The following CDH13 variants were observed in gnomAD, a reference collection of about 807,000 sequenced individuals.
CDH13 encodes the protein cadherin 13, also known as cadherin-13.
Under a neutral mutation model 63.8 loss-of-function variants are expected in CDH13, and 24 were observed. The observed-to-expected ratio is 0.38, with a 90% CI of 0.27 to 0.53. CDH13 has a LOEUF of 0.53. Ranked by LOEUF, CDH13 falls within the 20% of genes least tolerant of loss-of-function variation. The probability of loss-of-function intolerance (pLI) is 0.85; values close to 1 mark genes in which losing one functional copy is unlikely to be tolerated. For missense variants in CDH13, 1,049 were observed against 903.1 expected (o/e 1.16, Z -2.07); for synonymous variants, 503 against 355.3 (o/e 1.42, Z -4.67).
chr16:82,858,859 A>T (rs558607564), intron 2 of CDH13: 1 of 255,824 alleles, frequency 3.9e-6, no homozygotes, highest in East Asian at 7.2e-5. Flanking sequence ...CATACATAGC[A>T]TTAGATCAAA....
At position 82,989,281 on chromosome 16, in the gene CDH13, C is replaced by T. The variant is rs372084393; in HGVS notation, c.158-42729C>T. On this transcript the variant is annotated intron_variant, in intron 2 of 13. Coordinates refer to ENST00000567109, the MANE Select transcript of CDH13 (RefSeq NM_001257.5). ...GACATCACTCACAAGTACAAGTCTG[C>T]ATCCCTGGGTGTCCTCAGACAAGCA... is the stretch of plus-strand genomic sequence containing the variant. Among the ~76,000 whole-genome samples the T allele has an allele frequency of 1.1e-3, 162 of 152,292 alleles. 5 individuals carry two copies. The South Asian group carries it at 0.032, about 30-fold the overall frequency.
intron 4 of CDH13, 24 bp from the exon 5 acceptor site, chr16:83,217,321 A>T (rs1384695346): frequency 6.2e-7 from 1 of 1,613,160 alleles, no homozygotes; most frequent in Non-Finnish European, 8.5e-7. Flanking sequence ...GCAGTTTTAA[A>T]TGTCTCTCTG....
chr16:83,623,880 C>T (rs146385122), intron 8 of CDH13, among the ~76,000 whole-genome samples: 2 of 152,354 alleles, frequency 1.3e-5, no homozygotes, highest in East Asian at 3.9e-4. Flanking sequence ...ACTAGAGGCT[C>T]ACCCTTCGAC....
In CDH13 at chr16:82,905,169, G is replaced by A. The variant is rs936677529; in HGVS notation, c.157+46696G>A. Among the ~76,000 whole-genome samples, 4 of 152,136 alleles carry A rather than the reference G, an allele frequency of 2.6e-5. No individual in the cohort carries two copies. In the East Asian group the frequency reaches 7.7e-4, roughly 29 times the overall value. ...GCTGACAGCAGTTCTGTAACCATCC[G>A]GTGTGTTTAGACGGGAGAAAGAGCT... is the stretch of plus-strand genomic sequence containing the variant. On this transcript the variant is annotated intron_variant, in intron 2 of 13. Coordinates refer to ENST00000567109, the MANE Select transcript of CDH13 (RefSeq NM_001257.5).
At chr16:83,672,681 T>C (rs928266771) in intron 9 of CDH13, among the ~76,000 whole-genome samples, 1 of 152,116 alleles carries the variant, frequency 6.6e-6, no homozygotes, top group African/African-American at 2.4e-5. Context: ...CGCCTTGGCC[T>C]CCCAAAGTGC....
chr16:83,048,131 C>T (rs1917970730), intron 3 of CDH13, among the ~76,000 whole-genome samples: 1 of 152,150 alleles, frequency 6.6e-6, no homozygotes, highest in African/African-American at 2.4e-5. Flanking sequence ...TTTCCGCATG[C>T]AGAAATCTAA....
At chr16:83,070,097 C>G (rs1053611397) in intron 3 of CDH13, among the ~76,000 whole-genome samples, 1 of 152,136 alleles carries the variant, frequency 6.6e-6, no homozygotes, top group Non-Finnish European at 1.5e-5. Flanking sequence ...ATCACACTAG[C>G]TGTTCTGAAA....
chr16:83,659,101 C>T (rs1598427282), intron 8 of CDH13, among the ~76,000 whole-genome samples: 1 of 141,050 alleles, frequency 7.1e-6, no homozygotes, highest in Non-Finnish European at 1.5e-5. Context: ...TCCTCACCAC[C>T]AGGTCCCATA....
chr16:83,546,740 G>C (rs1451803247), intron 7 of CDH13, among the ~76,000 whole-genome samples: 3 of 152,130 alleles, frequency 2.0e-5, no homozygotes, highest in Non-Finnish European at 4.4e-5. Context: ...CCAGCCATCT[G>C]CATAACAGCA....
chr16:82,910,786 A>T (rs1178859509), intron 2 of CDH13, among the ~76,000 whole-genome samples: 1 of 152,190 alleles, frequency 6.6e-6, no homozygotes, highest in Non-Finnish European at 1.5e-5. Context: ...GGAGGTGCAG[A>T]TTTAGAGAAT....
chr16:83,189,330 G>T (rs2038624020), intron 4 of CDH13, among the ~76,000 whole-genome samples: 2 of 152,038 alleles, frequency 1.3e-5, no homozygotes, highest in Admixed American at 1.3e-4. Flanking sequence ...AGTCTCCCTG[G>T]GACTTGCTGC....
chr16:83,518,081 A>G (rs1166796897), intron 7 of CDH13, among the ~76,000 whole-genome samples: 1 of 152,112 alleles, frequency 6.6e-6, no homozygotes, highest in Non-Finnish European at 1.5e-5. Context: ...TAATTTTATC[A>G]TGGGGGTGGT....
At chr16:82,757,512 C>T (rs1367867621) in intron 1 of CDH13, among the ~76,000 whole-genome samples, 2 of 152,216 alleles carry the variant, frequency 1.3e-5, no homozygotes, top group Non-Finnish European at 2.9e-5. Context: ...GATAGCTGCT[C>T]TGCCCAGAGG....
chr16:83,536,955 G>T (rs930045732), intron 7 of CDH13, among the ~76,000 whole-genome samples: 1 of 152,210 alleles, frequency 6.6e-6, no homozygotes, highest in African/African-American at 2.4e-5. Flanking sequence ...CATGCCACAG[G>T]TGTTTCATCT....
intron 9 of CDH13, among the ~76,000 whole-genome samples, chr16:83,672,583 C>A (rs1006871768): frequency 5.9e-5 from 9 of 151,690 alleles, no homozygotes; most frequent in African/African-American, 2.2e-4. Flanking sequence ...TGCCACCACA[C>A]CCAGCTAACT....
At chr16:83,134,097 T>G (rs1255754809) in intron 4 of CDH13, among the ~76,000 whole-genome samples, 1 of 152,242 alleles carries the variant, frequency 6.6e-6, no homozygotes, top group Non-Finnish European at 1.5e-5. Flanking sequence ...TCTGGATATT[T>G]CCAGCAAATT....
chr16:83,377,346 C>T (rs1433100496), intron 6 of CDH13, among the ~76,000 whole-genome samples: 1 of 152,142 alleles, frequency 6.6e-6, no homozygotes, highest in African/African-American at 2.4e-5. Flanking sequence ...GCCCCCAGTT[C>T]CTAAAAAGCC....
At chr16:83,256,826 C>T (rs570101722) in intron 5 of CDH13, among the ~76,000 whole-genome samples, 19 of 127,628 alleles carry the variant, frequency 1.5e-4, no homozygotes, top group East Asian at 6.9e-4. Flanking sequence ...GCCTGGGCGA[C>T]GGAGCGAGAC....
At chr16:83,566,871 CA>C (rs1904285412) in intron 7 of CDH13, among the ~76,000 whole-genome samples, 1 of 152,152 alleles carries the variant, frequency 6.6e-6, no homozygotes. Context: ...AAAAGCTCAG[CA>C]ACCAAGAGGA....
Sources: gnomAD v4.1 joint callset for allele counts (sites outside exome capture counted in the v4.1 genomes callset) on GRCh38, gnomAD v4.1.1 for gene constraint, MANE v1.5 for transcripts, NCBI Gene and HGNC (gene_info 2026-07-23, HGNC 2026-07-21) for gene names.